SLC25A30: variants seen among roughly 807,000 people sequenced by gnomAD.
SLC25A30 encodes the protein kidney mitochondrial carrier protein 1.
Under a neutral mutation model 42.7 loss-of-function variants are expected in SLC25A30, and 29 were observed. The ratio of observed to expected loss-of-function variants is 0.68; its 90% confidence interval spans 0.51 to 0.93. The LOEUF (loss-of-function observed/expected upper bound fraction) is 0.93. Ranked by LOEUF, SLC25A30 falls within the 40% of genes least tolerant of loss-of-function variation. SLC25A30 has a pLI of 0.00. For synonymous variants in SLC25A30, 124 were observed against 131.0 expected (o/e 0.95, Z 0.37); for missense variants, 300 against 359.7 (o/e 0.83, Z 1.34).
chr13:45,423,983 A>G, the SLC25A30 span, among the ~76,000 whole-genome samples: 2 of 89,860 alleles, frequency 2.2e-5, no homozygotes, highest in Admixed American at 1.9e-4. Context: ...AACAATATAT[A>G]TTTATATAAA....
chr13:45,402,279 C>T lies in SLC25A30; in HGVS notation c.485G>A (p.Trp162Ter), dbSNP rs1327331722. ...CGATCCATCCTTCTGGCTTACCTTCCACAGTCCTCTTGTCCCCTCTTGCTG... is the reference window on the plus strand; with the variant it reads ...CGATCCATCCTTCTGGCTTACCTTCTACAGTCCTCTTGTCCCCTCTTGCTG... ...IYQQEGTRGLWKGVSLTAQRA... is the reference protein window; with the variant it reads ...IYQQEGTRGL The change falls in exon 6 of 10, where the codon TGG (tryptophan) becomes TAG (stop). Residue 162 changes from tryptophan to a stop codon, truncating the protein, a stop_gained. Coordinates refer to ENST00000519676, the MANE Select transcript of SLC25A30 (RefSeq NM_001010875.4). LOFTEE classifies it high-confidence loss of function. 1 of 1,611,940 alleles carries T rather than the reference C, an allele frequency of 6.2e-7. No individual in the cohort carries two copies. The highest frequency in any genetic ancestry group is 8.5e-7 in the Non-Finnish European group (1 of 1,178,150).
chr13:45,396,305 T>C (rs1881314027), intron 9 of SLC25A30: 2 of 1,285,804 alleles, frequency 1.6e-6, no homozygotes, highest in African/African-American at 1.5e-5. Flanking sequence ...GGAAAAACTT[T>C]CCAGCACTGT....
At chr13:45,404,703 C>CTTGG (rs1353651290) in intron 4 of SLC25A30, among the ~76,000 whole-genome samples, 1 of 152,098 alleles carries the variant, frequency 6.6e-6, no homozygotes, top group African/African-American at 2.4e-5. Context: ...CCTGTAATCC[C>CTTGG]AGCTACTTGG....
At chr13:45,425,493 TAAGTATATAG>T in the SLC25A30 span, among the ~76,000 whole-genome samples, 3 of 111,910 alleles carry the variant, frequency 2.7e-5, no homozygotes, top group African/African-American at 7.0e-5. Context: ...TAAATATATA[TAAGTATATAG>T]AAATATATAT....
chr13:45,409,256 C>A (rs1272204014), intron 2 of SLC25A30, among the ~76,000 whole-genome samples, 182 bp from the exon 3 acceptor site: 1 of 152,048 alleles, frequency 6.6e-6, no homozygotes, highest in East Asian at 1.9e-4. Context: ...TTAATAAAAC[C>A]CAAAAAATGC....
chr13:45,416,194 C>T (rs7491965), intron 1 of SLC25A30, among the ~76,000 whole-genome samples: 4 of 151,442 alleles, frequency 2.6e-5, no homozygotes, highest in Non-Finnish European at 4.4e-5. Context: ...GATCACCTGA[C>T]GTCAGGAGTT....
chr13:45,405,053 G>C (rs1882371625), intron 4 of SLC25A30, among the ~76,000 whole-genome samples: 1 of 152,020 alleles, frequency 6.6e-6, no homozygotes, highest in African/African-American at 2.4e-5. Context: ...CTCCCCAGTA[G>C]CTGGGACTAT....
rs1881136475 is a variant in SLC25A30, at chr13:45,394,024, TTAAACTC to T, written c.*1943_*1949del. On this transcript the variant is annotated 3_prime_UTR_variant, in exon 10 of 10. Coordinates refer to ENST00000519676, the MANE Select transcript of SLC25A30 (RefSeq NM_001010875.4). ...AAGAGCATTTCAAGAAAAGCAATCT[TTAAACTC>T]AAAGAACTCAAAAGTGAAAGCCTCT... 5 of 985,234 alleles carry T rather than the reference TTAAACTC, an allele frequency of 5.1e-6. No individual in the cohort carries two copies. Among genetic ancestry groups the T allele is most frequent in the Non-Finnish European group, 6.0e-6 (5 of 829,766 alleles). The allele number at this position is 985,234 out of a possible 1,614,324, so 61.0% of individuals were successfully genotyped here.
At chr13:45,423,815 A>ATAAATATATATTTAT in the SLC25A30 span, among the ~76,000 whole-genome samples, 8 of 55,734 alleles carry the variant, frequency 1.4e-4, no homozygotes, top group African/African-American at 4.2e-4. Flanking sequence ...TATATATAAA[A>ATAAATATATATTTAT]ATATAAATAT....
chr13:45,411,471 G>A lies in SLC25A30; in HGVS notation c.-46C>T, dbSNP rs758015959. On this transcript the variant is annotated 5_prime_UTR_variant, in exon 2 of 10. Transcript: ENST00000519676. ...GATTTATAGAAACATTGCCTCCAGT[G>A]CTGTTTTTCCTGGACACAACAATAA... 2 of 1,598,020 alleles carry A rather than the reference G, an allele frequency of 1.3e-6. No individual in the cohort carries two copies. The highest frequency in any genetic ancestry group is 1.1e-5 in the South Asian group (1 of 90,560).
At chr13:45,427,927 A>G in the SLC25A30 span, among the ~76,000 whole-genome samples, 5 of 151,936 alleles carry the variant, frequency 3.3e-5, no homozygotes, top group Non-Finnish European at 7.4e-5. Context: ...TTTTTAGTAG[A>G]AACGGGGGTT....
intron 1 of SLC25A30, among the ~76,000 whole-genome samples, chr13:45,416,378 G>A (rs1327876289): frequency 1.3e-5 from 2 of 151,598 alleles, no homozygotes; most frequent in African/African-American, 4.8e-5. Flanking sequence ...ACTGCACCCC[G>A]GCCTGGGCAA....
At chr13:45,412,060 A>G (rs1883084204) in intron 1 of SLC25A30, 2 of 152,226 alleles carry the variant, frequency 1.3e-5, no homozygotes, top group Admixed American at 6.5e-5. Context: ...GCAGCAGACA[A>G]ATGTTGCAAA....
At chr13:45,410,538 C>T (rs1593621422) in intron 2 of SLC25A30, among the ~76,000 whole-genome samples, 1 of 150,790 alleles carries the variant, frequency 6.6e-6, no homozygotes, top group African/African-American at 2.4e-5. Context: ...TGGTCGTGCA[C>T]ATCTGTAGTC....
rs1882777223 is a variant in SLC25A30, at chr13:45,409,053, G to A, written c.86C>T (p.Thr29Ile). 1 of 1,605,168 alleles carries A rather than the reference G, an allele frequency of 6.2e-7. No homozygotes were observed. The highest frequency in any genetic ancestry group is 1.7e-5 in the Admixed American group (1 of 57,474). Residue 29 changes from threonine to isoleucine, a missense_variant, in exon 3 of 10, where the codon ACC becomes ATC. Physicochemically the swap from Thr to Ile is moderately conservative, Grantham distance 89. Transcript: ENST00000519676. ...AECGTFPIDLTKTRLQIQGQT... is the reference protein window; with the variant it reads ...AECGTFPIDLIKTRLQIQGQT... ...GCCTTGAATCTGGAGCCGTGTCTTG[G>A]TTAAATCAATTGGAAATGTACCTTA...
the SLC25A30 span, among the ~76,000 whole-genome samples, chr13:45,429,888 A>G: frequency 1.3e-5 from 2 of 151,916 alleles, no homozygotes; most frequent in African/African-American, 2.4e-5. Flanking sequence ...GACAACAGCA[A>G]CCAGGCCAGA....
the SLC25A30 span, among the ~76,000 whole-genome samples, chr13:45,426,363 G>T: frequency 1.6e-3 from 250 of 152,246 alleles, 1 homozygote; most frequent in African/African-American, 5.7e-3. Context: ...GGGATTACAG[G>T]CATGAGCCAC....
intron 9 of SLC25A30, chr13:45,396,221 T>C: frequency 7.0e-7 from 1 of 1,430,302 alleles, no homozygotes. Context: ...ACAGCTGAGA[T>C]ATGTAAATCC....
chr13:45,403,318 T>C (rs999101100), intron 5 of SLC25A30, among the ~76,000 whole-genome samples: 11 of 152,176 alleles, frequency 7.2e-5, no homozygotes, highest in African/African-American at 1.9e-4. Flanking sequence ...CCCTATTAGA[T>C]TGAAGGCTCT....
Sources: allele counts gnomAD v4.1 joint callset (sites outside exome capture counted in the v4.1 genomes callset), GRCh38; gene constraint gnomAD v4.1.1; transcripts MANE v1.5; gene names NCBI Gene and HGNC (gene_info 2026-07-23, HGNC 2026-07-21).